Variants in PTPRD observed in about 807,000 individuals in gnomAD.
PTPRD encodes receptor-type tyrosine-protein phosphatase delta.
PTPRD carries 34 observed loss-of-function variants against 214.5 expected under a neutral mutation model. That is an observed-to-expected ratio of 0.16 (90% CI 0.12 to 0.21). The LOEUF is 0.21. Ranked by LOEUF, PTPRD falls within the 10% of genes least tolerant of loss-of-function variation. PTPRD has a pLI of 1.00. For synonymous variants in PTPRD, 1,128 were observed against 845.7 expected (o/e 1.33, Z -5.79); for missense variants, 2,545 against 2,398.7 (o/e 1.06, Z -1.27).
chr9:9,288,713 G>C, intron 9 of PTPRD, among the ~76,000 whole-genome samples: 1 of 151,854 alleles, frequency 6.6e-6, no homozygotes, highest in Non-Finnish European at 1.5e-5. Flanking sequence ...TGGTTTGGCT[G>C]TGTCCCCACC....
intron 7 of PTPRD, among the ~76,000 whole-genome samples, chr9:9,663,878 T>G: frequency 6.6e-6 from 1 of 151,656 alleles, no homozygotes; most frequent in South Asian, 2.1e-4. Context: ...AAAATTAATC[T>G]TATTACTAGT....
At chr9:8,499,027 C>T in intron 25 of PTPRD, among the ~76,000 whole-genome samples, 1 of 149,736 alleles carries the variant, frequency 6.7e-6, no homozygotes, top group African/African-American at 2.4e-5. Context: ...ATTTTTAGTA[C>T]CTTTTTTTTA....
intron 3 of PTPRD, among the ~76,000 whole-genome samples, chr9:10,182,226 T>C (rs2099298826): frequency 7.3e-6 from 1 of 136,072 alleles, no homozygotes; most frequent in African/African-American, 2.9e-5. Flanking sequence ...TGCCATCTTG[T>C]TCCAGTCTGG....
intron 4 of PTPRD, among the ~76,000 whole-genome samples, chr9:9,957,886 A>G (rs1185969680): frequency 1.3e-5 from 2 of 152,014 alleles, no homozygotes; most frequent in African/African-American, 2.4e-5. Flanking sequence ...AGGGTGAGAA[A>G]AAAAAAAAAA....
intron 9 of PTPRD, among the ~76,000 whole-genome samples, chr9:9,309,959 C>T (rs376013338): frequency 8.6e-5 from 13 of 151,260 alleles, no homozygotes; most frequent in African/African-American, 2.7e-4. Context: ...ATTTTTTTTT[C>T]CCTTACATAG....
chr9:10,564,037 G>A (rs2064838374), intron 2 of PTPRD, among the ~76,000 whole-genome samples: 1 of 151,144 alleles, frequency 6.6e-6, no homozygotes, highest in Admixed American at 6.6e-5. Flanking sequence ...AAAGGATCTT[G>A]CTCTGTTACA....
chr9:9,624,816 T>G (rs929330522), intron 7 of PTPRD, among the ~76,000 whole-genome samples: 34 of 137,364 alleles, frequency 2.5e-4, no homozygotes, highest in African/African-American at 9.4e-4. Flanking sequence ...ACAAATAAAC[T>G]GAATAGATGC....
At chr9:9,180,827 C>T (rs2381970) in intron 10 of PTPRD, among the ~76,000 whole-genome samples, 142,198 of 152,160 alleles carry the variant, frequency 0.93, 66,464 homozygotes, top group South Asian at 0.97. Flanking sequence ...ACCCAAGTGT[C>T]TGACAACATG....
intron 9 of PTPRD, among the ~76,000 whole-genome samples, chr9:9,374,081 T>C (rs1181827195): frequency 6.6e-6 from 1 of 152,042 alleles, no homozygotes; most frequent in Non-Finnish European, 1.5e-5. Context: ...ATCCATATTA[T>C]GGAATTGTAC....
chr9:9,628,443 G>C (rs1054639192), intron 7 of PTPRD, among the ~76,000 whole-genome samples: 1 of 152,032 alleles, frequency 6.6e-6, no homozygotes, highest in African/African-American at 2.4e-5. Context: ...AATCCATTCT[G>C]ATGATTTCTC....
rs564301249 is a variant in PTPRD at position 8,653,797 on chromosome 9, A to G, written c.65-16953T>C. On this transcript the variant is annotated intron_variant, in intron 12 of 45. Coordinates refer to ENST00000381196, the MANE Select transcript of PTPRD (RefSeq NM_002839.4). ...CTTGATGGCAAGTCACATCCTATTC[A>G]CTGTATACGAATTTCTAACTTAGAA... Among the ~76,000 whole-genome samples the G allele has an allele frequency of 9.2e-5, 14 of 152,208 alleles. No individual in the cohort carries two copies. In the South Asian group the frequency reaches 2.7e-3, roughly 29 times the overall value.
chr9:10,419,053 T>C (rs1263329151), intron 2 of PTPRD, among the ~76,000 whole-genome samples: 1 of 151,868 alleles, frequency 6.6e-6, no homozygotes, highest in Non-Finnish European at 1.5e-5. Flanking sequence ...AGCCTGGCAT[T>C]AGGGCTGAAG....
chr9:9,300,199 C>T (rs1954749095), intron 9 of PTPRD, among the ~76,000 whole-genome samples: 1 of 151,112 alleles, frequency 6.6e-6, no homozygotes, highest in African/African-American at 2.4e-5. Context: ...TTAAATTTCT[C>T]AAGTGATTTC....
At chr9:8,766,967 G>A (rs1353940518) in intron 11 of PTPRD, among the ~76,000 whole-genome samples, 2 of 152,014 alleles carry the variant, frequency 1.3e-5, no homozygotes, top group Non-Finnish European at 2.9e-5. Context: ...GTTAAGTGAG[G>A]ACTTACTGTA....
At chr9:10,593,353 G>C (rs1045494602) in intron 2 of PTPRD, among the ~76,000 whole-genome samples, 1 of 151,968 alleles carries the variant, frequency 6.6e-6, no homozygotes, top group African/African-American at 2.4e-5. Context: ...GCACATGTAA[G>C]AGTGATTACT....
intron 28 of PTPRD, 73 bp downstream of exon 28, chr9:8,485,689 T>C (rs544664016): frequency 8.7e-4 from 1,154 of 1,327,534 alleles, no homozygotes; most frequent in Non-Finnish European, 1.0e-3. Context: ...TCAGTTATTA[T>C]AGCTTCAAAA....
chr9:10,553,245 T>A (rs986525186), intron 2 of PTPRD, among the ~76,000 whole-genome samples: 2 of 152,120 alleles, frequency 1.3e-5, no homozygotes, highest in African/African-American at 2.4e-5. Flanking sequence ...TATGAGCATA[T>A]CTTAGATCCT....
At chr9:9,374,185 C>G (rs752614711) in intron 9 of PTPRD, among the ~76,000 whole-genome samples, 20 of 151,972 alleles carry the variant, frequency 1.3e-4, no homozygotes, top group Non-Finnish European at 2.5e-4. Flanking sequence ...AGTATTCCAT[C>G]ATATATATAA....
chr9:9,231,825 G>A (rs1454392571), intron 9 of PTPRD, among the ~76,000 whole-genome samples: 1 of 151,882 alleles, frequency 6.6e-6, no homozygotes, highest in Admixed American at 6.6e-5. Context: ...TTGGTTTGCT[G>A]CACCCGTCAA....
Sources: gnomAD v4.1 joint callset for allele counts (sites outside exome capture counted in the v4.1 genomes callset) on GRCh38, gnomAD v4.1.1 for gene constraint, MANE v1.5 for transcripts, NCBI Gene and HGNC (gene_info 2026-07-23, HGNC 2026-07-21) for gene names.